The following CIAO3 variants were observed in gnomAD, a reference collection of about 807,000 sequenced individuals.
The protein encoded by CIAO3 is LET1 like/JFP15.
CIAO3 carries 45 observed loss-of-function variants against 51.5 expected under a neutral mutation model. The observed-to-expected ratio is 0.87, with a 90% confidence interval of 0.69 to 1.12. The LOEUF (loss-of-function observed/expected upper bound fraction) is 1.12. Among genes scored for constraint, CIAO3 ranks in the 50% most tolerant of loss-of-function variants. The pLI, the probability that CIAO3 is intolerant of heterozygous loss-of-function variation, is 0.00. For synonymous variants in CIAO3, 314 were observed against 269.3 expected (o/e 1.17, Z -1.63); for missense variants, 668 against 632.5 (o/e 1.06, Z -0.60).
In CIAO3 at chr16:730,614, G is replaced by T. The variant is rs777777723; in HGVS notation, c.1234C>A (p.Pro412Thr). 1 of 1,610,282 alleles carries T rather than the reference G, an allele frequency of 6.2e-7. No homozygotes were observed. The highest frequency in any genetic ancestry group is 1.1e-5 in the South Asian group (1 of 91,082). Residue 412 changes from proline to threonine, a missense_variant, in exon 11 of 11, where the codon CCC becomes ACC. By Grantham distance (38) the Pro-to-Thr change is conservative. Coordinates refer to ENST00000251588, the MANE Select transcript of CIAO3 (RefSeq NM_022493.3). The part of the protein sequence containing the change: ...GGGQLQAPDR[P>T]SRELLQHVER... ...ACGTGCTGGAGGAGCTCTCTGCTGG[G>T]CCTGTCTGGGGCCTGGAGCTGGCCC...
chr16:730,501 C>T lies in CIAO3; in HGVS notation c.1347G>A (p.Thr449=), dbSNP rs536829915. Residue 449 remains threonine, a synonymous_variant, in exon 11 of 11, where the codon ACG becomes ACA. Coordinates refer to ENST00000251588, the MANE Select transcript of CIAO3 (RefSeq NM_022493.3). ...QELYTHWLQG[T]DSECAGRLLH... ...GCAAGCGACCTGCACACTCCGAGTC[C>T]GTGCCCTGCAGCCAGTGTGTGTACA... 4.2e-5 allele frequency: 67 copies of T among 1,610,140 alleles called. 1 individual carries two copies. Among genetic ancestry groups the T allele is most frequent in the South Asian group, 3.6e-4 (33 of 91,088 alleles).
Position 740,956 on chromosome 16 carries a change from C to G in CIAO3, c.30G>C (p.Gln10His), listed in dbSNP as rs1279002354. The G allele has an allele frequency of 1.3e-6, 2 of 1,518,736 alleles. No individual in the cohort carries two copies. The highest frequency in any genetic ancestry group is 1.8e-6 in the Non-Finnish European group (2 of 1,137,120). The allele number at this position is 1,518,736 out of a possible 1,614,324, so 94.1% of individuals were successfully genotyped here. Residue 10 changes from glutamine to histidine, a missense_variant, in exon 1 of 11, where the codon CAG (glutamine) becomes CAC (histidine). Gln to His is a conservative substitution (Grantham distance 24). Transcript: ENST00000251588. ...CGATGAAGTCATCCAGGTCCGTCAG[C>G]TGCAGCGCCCCGCTGAAGGGCGACG... MASPFSGALQLTDLDDFIGP... is the reference protein window; with the variant it reads MASPFSGALHLTDLDDFIGP...
intron 1 of CIAO3, chr16:740,053 C>T: frequency 7.2e-7 from 1 of 1,388,246 alleles, no homozygotes; most frequent in South Asian, 1.2e-5. Flanking sequence ...GGGGCGTGAC[C>T]ACCACAGAGA....
At position 737,130 on chromosome 16, in the gene CIAO3, G is replaced by C; in HGVS notation, c.306+56C>G. 6.2e-7 allele frequency: 1 copy of C among 1,602,950 alleles called. No homozygotes were observed. The highest frequency in any genetic ancestry group is 8.5e-7 in the Non-Finnish European group (1 of 1,171,412). On this transcript the variant is annotated intron_variant, in intron 3 of 10. Transcript: ENST00000251588. The surrounding 1 kb of genome is among the most constrained non-coding windows in gnomAD (Gnocchi z 5.3). Reference sequence around the variant, plus strand: ...GCTGCCCTTGGCAAAACGCGTTGTCGGCTGCTGGGATGGATTTCAGGTTAA... The same window carrying C: ...GCTGCCCTTGGCAAAACGCGTTGTCCGCTGCTGGGATGGATTTCAGGTTAA...
intron 5 of CIAO3, 73 bp downstream of exon 5, chr16:734,664 T>C: frequency 6.2e-7 from 1 of 1,610,794 alleles, no homozygotes; most frequent in Non-Finnish European, 8.5e-7. Flanking sequence ...CGCCTTGTCA[T>C]TTGTGTCCAT....
rs773218928 is a variant in CIAO3 at position 734,298 on chromosome 16, G to A, written c.624C>T (p.His208=). 1.1e-5 allele frequency: 18 copies of A among 1,611,912 alleles called. 1 individual carries two copies. The South Asian group carries it at 1.5e-4, about 14-fold the overall frequency. Residue 208 remains histidine (H), a synonymous_variant, in exon 6 of 11, where the codon CAC becomes CAT. Coordinates refer to ENST00000251588, the MANE Select transcript of CIAO3 (RefSeq NM_022493.3). ...GCTGCGGGGACCGGGCGGTGCTGAT[G>A]TGGGGGAGGATGAAGCTGCCGTGAG... ...EKTHGSFILP[H]ISTARSPQQV...
intron 5 of CIAO3, 45 bp from the exon 6 acceptor site, chr16:734,392 G>T (rs753926665): frequency 7.2e-7 from 1 of 1,397,992 alleles, no homozygotes; most frequent in Non-Finnish European, 9.8e-7. Flanking sequence ...GCGCACGGCG[G>T]CCCCCGCACC....
rs994182382 is a variant in CIAO3, at chr16:737,547, T to C, written c.163-218A>G. On this transcript the variant is annotated intron_variant, in intron 2 of 10. Coordinates refer to ENST00000251588, the MANE Select transcript of CIAO3 (RefSeq NM_022493.3). The surrounding 1 kb of genome is among the most constrained non-coding windows in gnomAD (Gnocchi z 5.3). ...AAGTCTGCTTCTTGGTACCACTTGG[T>C]TAGTGCATCCGAATCACAGGACTAA... is the stretch of plus-strand genomic sequence containing the variant. The C allele has an allele frequency of 6.6e-7, 1 of 1,504,740 alleles. No homozygotes were observed. Among genetic ancestry groups the C allele is most frequent in the East Asian group, 2.6e-5 (1 of 38,302 alleles). 93.2% of individuals were successfully genotyped at this position (1,504,740 alleles called of 1,614,324 possible). A position where few individuals can be genotyped will look rare whatever the true frequency, so the allele number is the denominator to read the frequency against.
chr16:730,459 G>A lies in CIAO3; in HGVS notation c.1389C>T (p.His463=), dbSNP rs554557817. The change falls in exon 11 of 11, where the codon CAC becomes CAT. Residue 463 remains histidine, a synonymous_variant. Transcript: ENST00000251588. ...GGCCAGTGCTGGCCTTCTCCACGGC[G>A]TGGTACTGCGTATGCAGCAAGCGAC... ...CAGRLLHTQY[H]AVEKASTGLG... is the part of the protein sequence containing the mutation. 30 of 1,606,630 alleles carry A rather than the reference G, an allele frequency of 1.9e-5. No individual in the cohort carries two copies. The highest frequency in any genetic ancestry group is 6.7e-5 in the East Asian group (3 of 44,890).
chr16:739,431 G>A (rs879771679), intron 2 of CIAO3: 6 of 602,250 alleles, frequency 1.0e-5, no homozygotes, highest in African/African-American at 1.9e-5. Context: ...CTGCTGAGCA[G>A]ATCAAGCTGT....
rs761826623 is a variant in CIAO3, at chr16:734,222, C to T, written c.693+7G>A. ...GCCTGAGTCTGGGGCTGGCCCAACG[C>T]CGTTACCTGCTGCTGGGCGAAGAAG... On this transcript the variant is annotated splice_region_variant and intron_variant, in intron 6 of 10. Transcript: ENST00000251588. 1 of 1,609,876 alleles carries T rather than the reference C, an allele frequency of 6.2e-7. No individual in the cohort carries two copies. Among genetic ancestry groups the T allele is most frequent in the East Asian group, 2.2e-5 (1 of 44,852 alleles).
chr16:735,020 T>A, intron 4 of CIAO3, 149 bp from the exon 5 acceptor site: 1 of 1,102,210 alleles, frequency 9.1e-7, no homozygotes, highest in Non-Finnish European at 1.2e-6. Context: ...GGGGACCTCC[T>A]AAAGCCACGT....
chr16:735,341 C>T lies in CIAO3; in HGVS notation c.440-470G>A, dbSNP rs555850477. The T allele has an allele frequency of 1.9e-3, 301 of 160,804 alleles. 1 individual carries two copies. Among genetic ancestry groups the T allele is most frequent in the Non-Finnish European group, 2.0e-3 (144 of 73,596 alleles). The allele number at this position is 160,804 out of a possible 1,614,324, so 10.0% of individuals were successfully genotyped here. ...GGAACACGCCAGCCAGCTCCAAGCC[C>T]AGCCATTAGAACTGCTCAGTAAACC... On this transcript the variant is annotated intron_variant, in intron 4 of 10. Transcript: ENST00000251588.
chr16:739,398 C>T (rs2041369916), intron 2 of CIAO3: 10 of 562,080 alleles, frequency 1.8e-5, no homozygotes, highest in South Asian at 1.6e-4. Flanking sequence ...AGACAGGATC[C>T]ACCATCTCTG....
rs1338669575 is a variant in CIAO3, at chr16:740,960, A to C, written c.26T>G (p.Leu9Arg). Residue 9 changes from leucine (L) to arginine (R), a missense_variant, in exon 1 of 11, where the codon CTG (leucine) becomes CGG (arginine). Leu to Arg is a moderately radical substitution (Grantham distance 102, BLOSUM62 -2). Transcript: ENST00000251588. The stretch of plus-strand genomic sequence containing the variant: ...GAAGTCATCCAGGTCCGTCAGCTGC[A>C]GCGCCCCGCTGAAGGGCGACGCCAT... Reference protein sequence around the residue: MASPFSGALQLTDLDDFIG... With the variant: MASPFSGARQLTDLDDFIG... 1 of 1,517,846 alleles carries C rather than the reference A, an allele frequency of 6.6e-7. No individual in the cohort carries two copies. The highest frequency in any genetic ancestry group is 1.4e-5 in the African/African-American group (1 of 70,624). 94.0% of individuals were successfully genotyped at this position (1,517,846 alleles called of 1,614,324 possible).
At chr16:734,406 A>G in intron 5 of CIAO3, 59 bp from the exon 6 acceptor site, 1 of 1,253,508 alleles carries the variant, frequency 8.0e-7, no homozygotes, top group Non-Finnish European at 1.1e-6. Context: ...CCGCACCCAC[A>G]GGCAGCAGCA....
chr16:732,291 A>G lies in CIAO3; in HGVS notation c.896+10T>C. 6.3e-7 allele frequency: 1 copy of G among 1,599,620 alleles called. No homozygotes were observed. Among genetic ancestry groups the G allele is most frequent in the East Asian group, 2.2e-5 (1 of 44,642 alleles). ...CTAAAATAACAGTTCTTGGTGGCAGACATACGTACAGGCTGTCCAGAGGGG... is the reference window on the plus strand; with the variant it reads ...CTAAAATAACAGTTCTTGGTGGCAGGCATACGTACAGGCTGTCCAGAGGGG... On this transcript the variant is annotated intron_variant, in intron 8 of 10. Coordinates refer to ENST00000251588, the MANE Select transcript of CIAO3 (RefSeq NM_022493.3).
At position 740,963 on chromosome 16, in the gene CIAO3, G is replaced by A. The variant is rs2041384795; in HGVS notation, c.23C>T (p.Ala8Val). Reference protein sequence around the residue: MASPFSGALQLTDLDDFI... With the variant: MASPFSGVLQLTDLDDFI... ...GTCATCCAGGTCCGTCAGCTGCAGC[G>A]CCCCGCTGAAGGGCGACGCCATGAC... Residue 8 changes from alanine to valine, a missense_variant, in exon 1 of 11, where the codon GCG (alanine) becomes GTG (valine). Transcript: ENST00000251588. The A allele has an allele frequency of 6.6e-7, 1 of 1,517,034 alleles. No homozygotes were observed. Among genetic ancestry groups the A allele is most frequent in the South Asian group, 1.2e-5 (1 of 82,712 alleles). 94.0% of individuals were successfully genotyped at this position (1,517,034 alleles called of 1,614,324 possible).
intron 10 of CIAO3, 32 bp downstream of exon 10, chr16:730,811 G>T: frequency 6.2e-7 from 1 of 1,608,750 alleles, no homozygotes; most frequent in Non-Finnish European, 8.5e-7. Flanking sequence ...TCCCAGAAGG[G>T]GTCCTCGTGT....
Sources: gnomAD v4.1 joint callset for allele counts on GRCh38, gnomAD v4.1.1 for gene constraint, Gnocchi (gnomAD v3.1) non-coding constraint, MANE v1.5 for transcripts, NCBI Gene and HGNC (gene_info 2026-07-23, HGNC 2026-07-21) for gene names.